DTX4: variants seen among roughly 807,000 people sequenced by gnomAD.
DTX4 encodes deltex E3 ubiquitin ligase 4, also known as E3 ubiquitin-protein ligase DTX4.
In DTX4, 28 loss-of-function variants were observed where a neutral mutation model predicts 57.6. The observed-to-expected ratio is 0.49, with a 90% CI of 0.36 to 0.67. The LOEUF (loss-of-function observed/expected upper bound fraction) is 0.67. Among genes scored for constraint, DTX4 ranks in the 30% least tolerant of loss-of-function variants. The probability of loss-of-function intolerance (pLI) is 0.00; values close to 1 mark genes in which losing one functional copy is unlikely to be tolerated. For missense variants in DTX4, 715 were observed against 836.8 expected (o/e 0.85, Z 1.80); for synonymous variants, 316 against 331.0 (o/e 0.95, Z 0.49).
chr11:59,178,763 A>G (rs1280168132), intron 1 of DTX4, among the ~76,000 whole-genome samples: 1 of 152,206 alleles, frequency 6.6e-6, no homozygotes, highest in African/African-American at 2.4e-5. Context: ...TAAGAAATGG[A>G]TGGAAAATGG....
At chr11:59,191,373 C>G (rs746244449) in intron 5 of DTX4, among the ~76,000 whole-genome samples, 198 bp downstream of exon 5, 27 of 152,212 alleles carry the variant, frequency 1.8e-4, no homozygotes, top group Non-Finnish European at 1.3e-4. Context: ...CCCGCCTCCC[C>G]CTTCAGCATA....
At chr11:59,171,751 A>G (rs1862326138), upstream of DTX4, among the ~76,000 whole-genome samples, 2 of 151,998 alleles carry the variant, frequency 1.3e-5, no homozygotes, top group East Asian at 1.9e-4. Context: ...TGCGACTGTG[A>G]GTGTGCCAGT....
intron 1 of DTX4, among the ~76,000 whole-genome samples, chr11:59,180,761 G>A (rs1002886956): frequency 2.0e-5 from 3 of 152,110 alleles, no homozygotes; most frequent in African/African-American, 4.8e-5. Context: ...TACAGGTTCA[G>A]TTCCCTTACA....
At chr11:59,188,054 C>A (rs1192025285) in intron 2 of DTX4, among the ~76,000 whole-genome samples, 6 of 152,210 alleles carry the variant, frequency 3.9e-5, no homozygotes, top group Admixed American at 2.0e-4. Flanking sequence ...TTAGGTGACT[C>A]TTTTGTACAC....
chr11:59,199,589 A>G, intron 7 of DTX4, 95 bp from the exon 8 acceptor site: 1 of 956,296 alleles, frequency 1.0e-6, no homozygotes, highest in Non-Finnish European at 1.6e-6. Flanking sequence ...GGGAATTATT[A>G]TTGTCATTAT....
rs1299638401 is a variant in DTX4, at chr11:59,200,786, C to T, written c.1626+1013C>T. ...ATCATTGGATTTTCAAAATCTTTCC[C>T]GATCTCAAAAGGAGTAGGAACCATT... On this transcript the variant is annotated intron_variant, in intron 8 of 8. Coordinates refer to ENST00000227451, the MANE Select transcript of DTX4 (RefSeq NM_015177.2). 3.9e-5 allele frequency among the ~76,000 whole-genome samples: 6 copies of T among 152,128 alleles called. 1 individual carries two copies. Among genetic ancestry groups the T allele is most frequent in the South Asian group, 4.1e-4 (2 of 4,832 alleles).
intron 1 of DTX4, among the ~76,000 whole-genome samples, chr11:59,175,938 T>C (rs1862390668): frequency 6.6e-6 from 1 of 152,114 alleles, no homozygotes; most frequent in Non-Finnish European, 1.5e-5. Context: ...TTAAGATTTC[T>C]TCTTTCCCTC....
intron 4 of DTX4, among the ~76,000 whole-genome samples, chr11:59,189,534 A>G (rs549902421): frequency 6.6e-6 from 1 of 152,360 alleles, no homozygotes; most frequent in East Asian, 1.9e-4. Context: ...ATAAAAATAT[A>G]CAATGCAAAA....
intron 1 of DTX4, among the ~76,000 whole-genome samples, chr11:59,178,686 A>G (rs1245787531): frequency 2.6e-5 from 4 of 152,232 alleles, no homozygotes; most frequent in Non-Finnish European, 5.9e-5. Flanking sequence ...ACATTGGTGC[A>G]CATCAGCATA....
chr11:59,172,734 G>A lies in DTX4; in HGVS notation c.139G>A (p.Gly47Ser). 6.2e-7 allele frequency: 1 copy of A among 1,605,378 alleles called. No individual in the cohort carries two copies. The highest frequency in any genetic ancestry group is 8.5e-7 in the Non-Finnish European group (1 of 1,177,464). The part of the protein sequence containing the change: ...GPRAGGSVVL[G>S]QVDSRLAPYI... ...CCGCGCGGGGGGCAGCGTGGTGCTG[G>A]GCCAGGTGGACAGCCGTCTCGCGCC... The change falls in exon 1 of 9, where the codon GGC (glycine) becomes AGC (serine). Residue 47 changes from glycine to serine, a missense_variant. Coordinates refer to ENST00000227451, the MANE Select transcript of DTX4 (RefSeq NM_015177.2).
intron 1 of DTX4, among the ~76,000 whole-genome samples, chr11:59,173,986 G>C (rs368273195): frequency 1.3e-5 from 2 of 152,298 alleles, no homozygotes; most frequent in East Asian, 3.9e-4. Context: ...ACGTAGAGAA[G>C]ATGACTCGGA....
At chr11:59,181,596 G>A (rs1862462322) in intron 1 of DTX4, 143 bp from the exon 2 acceptor site, 2 of 1,169,068 alleles carry the variant, frequency 1.7e-6, no homozygotes, top group Admixed American at 2.4e-5. Context: ...ATTCAAAGCT[G>A]GCACTTCAGG....
intron 7 of DTX4, among the ~76,000 whole-genome samples, chr11:59,198,598 T>C (rs1486517796): frequency 6.6e-6 from 1 of 152,190 alleles, no homozygotes; most frequent in Non-Finnish European, 1.5e-5. Flanking sequence ...TGGTCCATAA[T>C]AAGAGAAAAA....
intron 4 of DTX4, 125 bp downstream of exon 4, chr11:59,189,448 A>G: frequency 1.1e-6 from 1 of 919,180 alleles, no homozygotes; most frequent in Non-Finnish European, 1.6e-6. Flanking sequence ...CTGCATCTGT[A>G]AGTGGGCCTA....
rs756180576 is a variant in DTX4 at position 59,204,773 on chromosome 11, A to G, written c.1724A>G (p.Glu575Gly). ...GAGTCAGACACCGTCATCTGGAATG[A>G]GGTCCACCACAAGACAGAGTTTGGC... Reference protein sequence around the residue: ...TGESDTVIWNEVHHKTEFGSN... With the variant: ...TGESDTVIWNGVHHKTEFGSN... Residue 575 changes from glutamate to glycine, a missense_variant, in exon 9 of 9, where the codon GAG (glutamate) becomes GGG (glycine). Physicochemically the swap from Glu to Gly is moderately conservative, Grantham distance 98. Coordinates refer to ENST00000227451, the MANE Select transcript of DTX4 (RefSeq NM_015177.2). 1 of 1,613,614 alleles carries G rather than the reference A, an allele frequency of 6.2e-7. No individual in the cohort carries two copies. The highest frequency in any genetic ancestry group is 1.1e-5 in the South Asian group (1 of 90,966).
Position 59,195,218 on chromosome 11 carries a change from T to G in DTX4, c.1385T>G (p.Leu462Trp), listed in dbSNP as rs756594713. Residue 462 changes from leucine (L) to tryptophan (W), a missense_variant, in exon 7 of 9, where the codon TTG becomes TGG. Coordinates refer to ENST00000227451, the MANE Select transcript of DTX4 (RefSeq NM_015177.2). ...GCCTTGGCCCCTCAGGATGGAAGTTTGCAGTGTCCAACCTGCAAGACCATT... is the reference window on the plus strand; with the variant it reads ...GCCTTGGCCCCTCAGGATGGAAGTTGGCAGTGTCCAACCTGCAAGACCATT... The part of the protein sequence containing the change: ...MYNNGNKDGS[L>W]QCPTCKTIYG... 8.1e-6 allele frequency: 13 copies of G among 1,613,844 alleles called. No individual in the cohort carries two copies. In the African/African-American group the frequency reaches 1.5e-4, roughly 18 times the overall value.
rs761001134 is a variant in DTX4, at chr11:59,189,304, C to T, written c.1140C>T (p.Thr380=). The part of the protein sequence containing the change: ...PGVSNTSRKT[T]KKQAKKGKTP... ...TTTCCAACACAAGCCGCAAGACCAC[C>T]AAAAAACAAGCCAAGAAAGGTACCA... The change falls in exon 4 of 9, where the codon ACC becomes ACT. Residue 380 remains threonine (T), a synonymous_variant. Coordinates refer to ENST00000227451, the MANE Select transcript of DTX4 (RefSeq NM_015177.2). The T allele has an allele frequency of 4.5e-6, 7 of 1,554,266 alleles. No individual in the cohort carries two copies. The South Asian group carries it at 7.1e-5, about 16-fold the overall frequency.
rs1351722517 is a variant in DTX4, at chr11:59,204,797, G to A, written c.1748G>A (p.Gly583Asp). Residue 583 changes from glycine to aspartate, a missense_variant, in exon 9 of 9, where the codon GGC becomes GAC. Transcript: ENST00000227451. ...GAGGTCCACCACAAGACAGAGTTTGGCTCTAATCTCACTGGCCATGGCTAC... is the reference window on the plus strand; with the variant it reads ...GAGGTCCACCACAAGACAGAGTTTGACTCTAATCTCACTGGCCATGGCTAC... ...WNEVHHKTEF[G>D]SNLTGHGYPD... 6.2e-7 allele frequency: 1 copy of A among 1,613,146 alleles called. No homozygotes were observed. Among genetic ancestry groups the A allele is most frequent in the Non-Finnish European group, 8.5e-7 (1 of 1,179,540 alleles).
chr11:59,181,690 A>T lies in DTX4; in HGVS notation c.212-49A>T, dbSNP rs769921907. On this transcript the variant is annotated intron_variant, in intron 1 of 8. Coordinates refer to ENST00000227451, the MANE Select transcript of DTX4 (RefSeq NM_015177.2). The stretch of plus-strand genomic sequence containing the variant: ...ATGACTTGTTAATGTCTTGCCACTC[A>T]GTGTAATTGCATGCTGACTCTGACC... 5.8e-6 allele frequency: 9 copies of T among 1,538,746 alleles called. No individual in the cohort carries two copies. The South Asian group carries it at 1.1e-4, about 19-fold the overall frequency.
Sources: allele counts gnomAD v4.1 joint callset (sites outside exome capture counted in the v4.1 genomes callset), GRCh38; gene constraint gnomAD v4.1.1; transcripts MANE v1.5; gene names NCBI Gene and HGNC (gene_info 2026-07-23, HGNC 2026-07-21).